FBXW9: variants seen among roughly 807,000 people sequenced by gnomAD.
FBXW9 encodes the protein F-box and WD repeat domain containing 9.
FBXW9 carries 38 observed loss-of-function variants against 55.8 expected under a neutral mutation model. The observed-to-expected ratio is 0.68, with a 90% CI of 0.53 to 0.89. FBXW9 has a LOEUF of 0.89. Ranked by LOEUF, FBXW9 falls within the 40% of genes least tolerant of loss-of-function variation. The pLI is 0.00. For missense variants in FBXW9, 590 were observed against 619.4 expected (o/e 0.95, Z 0.50); for synonymous variants, 289 against 278.2 (o/e 1.04, Z -0.38).
chr19:12,693,524 AAAAAAATATATATAT>A, intron 3 of FBXW9, among the ~76,000 whole-genome samples: 2 of 25,566 alleles, frequency 7.8e-5, no homozygotes, highest in South Asian at 2.5e-3. Context: ...AAAAAAAAAA[AAAAAAATATATATAT>A]ATATATATAT....
chr19:12,696,271 G>C lies in FBXW9; in HGVS notation c.311C>G (p.Ser104Trp). ...LDARLVLHVL[S>W]RVCHALRDLV... ...GTCGCGGAGCGCGTGGCACACCCGCGACAGGACGTGGAGCACGAGGCGGGC... is the reference window on the plus strand; with the variant it reads ...GTCGCGGAGCGCGTGGCACACCCGCCACAGGACGTGGAGCACGAGGCGGGC... The change falls in exon 1 of 10, where the codon TCG (serine) becomes TGG (tryptophan). Residue 104 changes from serine to tryptophan, a missense_variant. By Grantham distance (177) the Ser-to-Trp change is radical. Transcript: ENST00000393261. The C allele has an allele frequency of 1.3e-6, 2 of 1,572,446 alleles. No homozygotes were observed. Among genetic ancestry groups the C allele is most frequent in the Non-Finnish European group, 1.7e-6 (2 of 1,159,496 alleles).
Position 12,696,297 on chromosome 19 carries a change from G to A in FBXW9, c.285C>T (p.Asp95=), listed in dbSNP as rs1228222358. ...ELLLEICSYL[D]ARLVLHVLSR... is the part of the protein sequence containing the mutation. ...ACAGGACGTGGAGCACGAGGCGGGC[G>A]TCCAGGTAGGAGCAGATCTCGAGCA... Residue 95 remains aspartate, a synonymous_variant, in exon 1 of 10, where the codon GAC becomes GAT. Coordinates refer to ENST00000393261, the MANE Select transcript of FBXW9 (RefSeq NM_032301.3). 1.9e-6 allele frequency: 3 copies of A among 1,578,052 alleles called. No homozygotes were observed. The highest frequency in any genetic ancestry group is 2.6e-6 in the Non-Finnish European group (3 of 1,162,648).
rs891038910 is a variant in FBXW9 at position 12,696,405 on chromosome 19, G to A, written c.177C>T (p.Ser59=). 6.2e-7 allele frequency: 1 copy of A among 1,611,496 alleles called. No individual in the cohort carries two copies. Among genetic ancestry groups the A allele is most frequent in the Non-Finnish European group, 8.5e-7 (1 of 1,179,510 alleles). ...RPSQLSTPAA[S]PSASEPRAAS... ...CGGCCCGAGGCTCCGAAGCGCTCGG[G>A]GACGCGGCGGGTGTGGATAGCTGCG... The change falls in exon 1 of 10, where the codon TCC becomes TCT. Residue 59 remains serine (S), a synonymous_variant. Coordinates refer to ENST00000393261, the MANE Select transcript of FBXW9 (RefSeq NM_032301.3).
In FBXW9 at chr19:12,689,398, G is replaced by A. The variant is rs146837377; in HGVS notation, c.1276C>T (p.Arg426Ter). 9.3e-6 allele frequency: 15 copies of A among 1,614,150 alleles called. No homozygotes were observed. Among genetic ancestry groups the A allele is most frequent in the African/African-American group, 8.0e-5 (6 of 75,054 alleles). The change falls in exon 9 of 10, where the codon CGA (arginine) becomes TGA (stop). Residue 426 changes from arginine to a stop codon, truncating the protein, a stop_gained. Transcript: ENST00000393261. LOFTEE classifies it high-confidence loss of function. This position sits in a 1 kb window ranked among gnomAD's most constrained non-coding sequence, Gnocchi z 5.9. Reference sequence around the variant, plus strand: ...CTATTGAGCCCATTGTCATGCCTTCGGGTGCAAATGGTCCTTGGTGGGTCT... The same window carrying A: ...CTATTGAGCCCATTGTCATGCCTTCAGGTGCAAATGGTCCTTGGTGGGTCT... ...PTDPPRTICT[R>*]RHDNGLNRVC...
chr19:12,696,022 T>C (rs2025065306), intron 1 of FBXW9, 151 bp downstream of exon 1: 1 of 828,846 alleles, frequency 1.2e-6, no homozygotes, highest in Non-Finnish European at 1.8e-6. Flanking sequence ...GCACCACCAG[T>C]AACTACCTTA....
intron 3 of FBXW9, among the ~76,000 whole-genome samples, chr19:12,694,102 G>A (rs543058553): frequency 6.6e-6 from 1 of 151,508 alleles, no homozygotes; most frequent in Admixed American, 6.6e-5. Context: ...TTAAACCTGG[G>A]AGGCAGAGGT....
At chr19:12,691,593 C>A in intron 3 of FBXW9, 139 bp from the exon 4 acceptor site, 1 of 676,756 alleles carries the variant, frequency 1.5e-6, no homozygotes, top group Admixed American at 2.3e-5. Flanking sequence ...CCCCAGTGCC[C>A]ATGGTGATAG....
rs761573951 is a variant in FBXW9 at position 12,696,439 on chromosome 19, G to A, written c.143C>T (p.Ser48Leu). Residue 48 changes from serine to leucine, a missense_variant, in exon 1 of 10, where the codon TCG becomes TTG. By Grantham distance (145) the Ser-to-Leu change is moderately radical. Coordinates refer to ENST00000393261, the MANE Select transcript of FBXW9 (RefSeq NM_032301.3). ...LSPPKSGLAF[S>L]RPSQLSTPAA... ...GGGTGTGGATAGCTGCGAGGGGCGC[G>A]AGAACGCCAGCCCGGATTTTGGCGG... 3 of 1,612,332 alleles carry A rather than the reference G, an allele frequency of 1.9e-6. No homozygotes were observed. The highest frequency in any genetic ancestry group is 3.3e-5 in the Admixed American group (2 of 60,014).
chr19:12,689,157 A>G lies in FBXW9; in HGVS notation c.*59T>C. ...GCACCAACATTGGGGATGGTCCCCC[A>G]AGAACAGAGGAGGAAGCCCAGCCTC... On this transcript the variant is annotated 3_prime_UTR_variant, in exon 10 of 10. Transcript: ENST00000393261. This position sits in a 1 kb window ranked among gnomAD's most constrained non-coding sequence, Gnocchi z 5.9. 1 of 1,329,184 alleles carries G rather than the reference A, an allele frequency of 7.5e-7. No individual in the cohort carries two copies. Among genetic ancestry groups the G allele is most frequent in the Non-Finnish European group, 1.1e-6 (1 of 920,812 alleles). 82.3% of individuals were successfully genotyped at this position (1,329,184 alleles called of 1,614,324 possible). A position where few individuals can be genotyped will look rare whatever the true frequency, so the allele number is the denominator to read the frequency against.
At chr19:12,690,329 T>G in intron 5 of FBXW9, 1 of 697,962 alleles carries the variant, frequency 1.4e-6, no homozygotes, top group Non-Finnish European at 2.5e-6. Context: ...ACATCCCATA[T>G]CCCTCCTCCG....
In FBXW9 at chr19:12,689,062, G is replaced by A. The variant is rs780838822; in HGVS notation, c.*154C>T. 3 of 742,560 alleles carry A rather than the reference G, an allele frequency of 4.0e-6. No homozygotes were observed. The highest frequency in any genetic ancestry group is 2.9e-5 in the South Asian group (2 of 68,480). The allele number at this position is 742,560 out of a possible 1,614,324, so 46.0% of individuals were successfully genotyped here. ...AATTTCACCCTTCCCCCGGGCATAGGGCCCAGGCCAGGACGCTCACCCGAA... is the reference window on the plus strand; with the variant it reads ...AATTTCACCCTTCCCCCGGGCATAGAGCCCAGGCCAGGACGCTCACCCGAA... On this transcript the variant is annotated 3_prime_UTR_variant, in exon 10 of 10. Transcript: ENST00000393261. The surrounding 1 kb of genome is among the most constrained non-coding windows in gnomAD (Gnocchi z 5.9).
Position 12,689,723 on chromosome 19 carries a change from G to C in FBXW9, c.1146+38C>G, listed in dbSNP as rs200500613. 25 of 1,605,712 alleles carry C rather than the reference G, an allele frequency of 1.6e-5. No homozygotes were observed. Among genetic ancestry groups the C allele is most frequent in the East Asian group, 2.2e-5 (1 of 44,820 alleles). On this transcript the variant is annotated intron_variant, in intron 7 of 9. Transcript: ENST00000393261. The surrounding 1 kb of genome is among the most constrained non-coding windows in gnomAD (Gnocchi z 5.9). The stretch of plus-strand genomic sequence containing the variant: ...AGGGGCTCGGGTAGGAAGGAAGCCC[G>C]GGGGGAGGGACAGTCAGGGGCAGGA...
In FBXW9 at chr19:12,696,493, G is replaced by A. The variant is rs2025073191; in HGVS notation, c.89C>T (p.Ala30Val). 1 of 1,612,708 alleles carries A rather than the reference G, an allele frequency of 6.2e-7. No individual in the cohort carries two copies. The highest frequency in any genetic ancestry group is 8.5e-7 in the Non-Finnish European group (1 of 1,179,998). ...GAGAACGCGGGCCACGTAGGCCTTGGCCTGCGCGTCTGGGTCTGTCTCTGA... is the reference window on the plus strand; with the variant it reads ...GAGAACGCGGGCCACGTAGGCCTTGACCTGCGCGTCTGGGTCTGTCTCTGA... ...PESETDPDAQ[A>V]KAYVARVLSP... Residue 30 changes from alanine to valine, a missense_variant, in exon 1 of 10, where the codon GCC becomes GTC. Transcript: ENST00000393261.
In FBXW9 at chr19:12,690,036, T is replaced by G. The variant is rs1050843891; in HGVS notation, c.958A>C (p.Ile320Leu). ...VLTLLADDRH[I>L]ISGSEDHTLV... ...GTGTGGTCCTCGCTGCCTGAGATGA[T>G]GTGCCGGTCATCCGCCAGCAGGGTC... is the stretch of plus-strand genomic sequence containing the variant. The change falls in exon 6 of 10, where the codon ATC (isoleucine) becomes CTC (leucine). Residue 320 changes from isoleucine (I) to leucine (L), a missense_variant. Coordinates refer to ENST00000393261, the MANE Select transcript of FBXW9 (RefSeq NM_032301.3). 6.2e-7 allele frequency: 1 copy of G among 1,614,042 alleles called. No homozygotes were observed. The highest frequency in any genetic ancestry group is 8.5e-7 in the Non-Finnish European group (1 of 1,180,020).
intron 3 of FBXW9, among the ~76,000 whole-genome samples, chr19:12,694,019 C>T (rs976282933): frequency 7.4e-5 from 11 of 147,690 alleles, no homozygotes; most frequent in Non-Finnish European, 1.5e-4. Flanking sequence ...GAAACCCTGT[C>T]TCTACCAAAA....
At chr19:12,692,203 G>A (rs2025018084) in intron 3 of FBXW9, among the ~76,000 whole-genome samples, 2 of 151,494 alleles carry the variant, frequency 1.3e-5, no homozygotes, top group African/African-American at 2.4e-5. Context: ...GGGACTACAG[G>A]TGCATGCCAC....
At position 12,689,097 on chromosome 19, in the gene FBXW9, G is replaced by A. The variant is rs772675791; in HGVS notation, c.*119C>T. The A allele has an allele frequency of 4.7e-6, 4 of 854,294 alleles. No individual in the cohort carries two copies. Among genetic ancestry groups the A allele is most frequent in the South Asian group, 1.4e-5 (1 of 72,916 alleles). The allele number at this position is 854,294 out of a possible 1,614,324, so 52.9% of individuals were successfully genotyped here. ...AGGACGCTCACCCGAATGTGGCTGGGACTCCTTGTGCCCTAGGCCCACGGG... is the reference window on the plus strand; with the variant it reads ...AGGACGCTCACCCGAATGTGGCTGGAACTCCTTGTGCCCTAGGCCCACGGG... On this transcript the variant is annotated 3_prime_UTR_variant, in exon 10 of 10. Transcript: ENST00000393261. This position sits in a 1 kb window ranked among gnomAD's most constrained non-coding sequence, Gnocchi z 5.9.
At position 12,689,292 on chromosome 19, in the gene FBXW9, TG is replaced by T. The variant is rs1262536449; in HGVS notation, c.1303-3del. On this transcript the variant is annotated splice_polypyrimidine_tract_variant and splice_region_variant and intron_variant, in intron 9 of 9. Transcript: ENST00000393261. This position sits in a 1 kb window ranked among gnomAD's most constrained non-coding sequence, Gnocchi z 5.9. ...CACCAGGTTGCCCTCAGCACAGACC[TG>T]GGAAGGGGGAGGAACATGAGGAGTC... 1.2e-6 allele frequency: 2 copies of T among 1,614,124 alleles called. No homozygotes were observed. Among genetic ancestry groups the T allele is most frequent in the Admixed American group, 3.3e-5 (2 of 60,022 alleles).
chr19:12,693,953 G>A (rs1422784538), intron 3 of FBXW9, among the ~76,000 whole-genome samples: 1 of 151,376 alleles, frequency 6.6e-6, no homozygotes, highest in Non-Finnish European at 1.5e-5. Flanking sequence ...ACTTTGGGAG[G>A]CTGAGGCGGG....
Sources: allele counts gnomAD v4.1 joint callset (sites outside exome capture counted in the v4.1 genomes callset), GRCh38; gene constraint gnomAD v4.1.1; non-coding constraint Gnocchi (gnomAD v3.1); transcripts MANE v1.5; gene names NCBI Gene and HGNC (gene_info 2026-07-23, HGNC 2026-07-21).